Variants in GALNT17 observed in about 807,000 individuals in gnomAD.
The protein encoded by GALNT17 is polypeptide N-acetylgalactosaminyltransferase 17, also known as UDP-GalNAc:polypeptide N-acetylgalactosaminyltransferase-like 3.
A neutral mutation model predicts 63.7 loss-of-function variants in GALNT17; 29 were observed. That is an observed-to-expected ratio of 0.46 (90% CI 0.34 to 0.62). The LOEUF is 0.62. Among genes scored for constraint, GALNT17 ranks in the 20% least tolerant of loss-of-function variants. The pLI is 0.01. For synonymous variants in GALNT17, 305 were observed against 318.3 expected (o/e 0.96, Z 0.45); for missense variants, 603 against 799.6 (o/e 0.75, Z 2.97).
At chr7:71,260,636 TCTGTCACCAAGC>T (rs1160841953) in intron 1 of GALNT17, among the ~76,000 whole-genome samples, 1 of 151,214 alleles carries the variant, frequency 6.6e-6, no homozygotes, top group Non-Finnish European at 1.5e-5. Context: ...ACAGTCTTGC[TCTGTCACCAAGC>T]CTGGAGTGCA....
intron 1 of GALNT17, among the ~76,000 whole-genome samples, chr7:71,292,821 T>A (rs189560239): frequency 6.6e-6 from 1 of 152,130 alleles, no homozygotes; most frequent in Non-Finnish European, 1.5e-5. Context: ...TTGTCTAGTA[T>A]AACCAAAACT....
intron 6 of GALNT17, among the ~76,000 whole-genome samples, chr7:71,583,611 A>G (rs1457634889): frequency 1.3e-5 from 2 of 152,212 alleles, no homozygotes; most frequent in Non-Finnish European, 2.9e-5. Context: ...ATTCCCTGGC[A>G]TTAGATAGCA....
At chr7:71,147,432 T>G (rs1233873745) in intron 1 of GALNT17, among the ~76,000 whole-genome samples, 1 of 152,144 alleles carries the variant, frequency 6.6e-6, no homozygotes. Flanking sequence ...AGCTGGCAGC[T>G]GATTAGATGG....
intron 6 of GALNT17, among the ~76,000 whole-genome samples, chr7:71,575,802 CA>C (rs1388635800): frequency 6.6e-6 from 1 of 151,992 alleles, no homozygotes; most frequent in Non-Finnish European, 1.5e-5. Context: ...CAGAAGAACA[CA>C]AGAATAGAAA....
At chr7:71,420,783 ATC>A in intron 4 of GALNT17, 123 bp from the exon 5 acceptor site, 1 of 1,159,218 alleles carries the variant, frequency 8.6e-7, no homozygotes, top group Admixed American at 1.8e-5. Flanking sequence ...CTCAGTTTGC[ATC>A]TGAGTTCCAG....
intron 2 of GALNT17, among the ~76,000 whole-genome samples, chr7:71,346,138 G>C (rs1792091862): frequency 1.3e-5 from 2 of 151,838 alleles, no homozygotes; most frequent in African/African-American, 4.8e-5. Flanking sequence ...GCTACAGGGA[G>C]CTATGATCGT....
At chr7:71,252,002 C>T (rs1048760918) in intron 1 of GALNT17, among the ~76,000 whole-genome samples, 2 of 152,092 alleles carry the variant, frequency 1.3e-5, no homozygotes, top group African/African-American at 4.8e-5. Flanking sequence ...GTGATCCAAC[C>T]CTGGAAGAAG....
At chr7:71,200,590 A>AG (rs1229240912) in intron 1 of GALNT17, among the ~76,000 whole-genome samples, 3 of 152,176 alleles carry the variant, frequency 2.0e-5, no homozygotes, top group African/African-American at 7.2e-5. Context: ...AATTATTTTC[A>AG]TCTCTCCTTA....
At chr7:71,212,138 G>A (rs769892693) in intron 1 of GALNT17, among the ~76,000 whole-genome samples, 1 of 152,194 alleles carries the variant, frequency 6.6e-6, no homozygotes, top group African/African-American at 2.4e-5. Flanking sequence ...AAGTGGTTTT[G>A]TGGGCCTGGC....
chr7:71,306,287 T>C (rs1791294871), intron 1 of GALNT17, among the ~76,000 whole-genome samples: 1 of 16,232 alleles, frequency 6.2e-5, no homozygotes, highest in Admixed American at 7.2e-4. Flanking sequence ...TCTTAACAAT[T>C]TATATGTGCA....
chr7:71,197,416 G>A (rs1490986493), intron 1 of GALNT17, among the ~76,000 whole-genome samples: 1 of 150,546 alleles, frequency 6.6e-6, no homozygotes, highest in Non-Finnish European at 1.5e-5. Context: ...CACCGTGTTA[G>A]CCAGGGAGGT....
chr7:71,598,784 G>A (rs546064231), intron 6 of GALNT17, among the ~76,000 whole-genome samples: 1 of 148,316 alleles, frequency 6.7e-6, no homozygotes, highest in East Asian at 2.1e-4. Flanking sequence ...GACATTAAGT[G>A]ACTAAGCACA....
rs529508467 is a variant in GALNT17 at position 71,624,377 on chromosome 7, G to C, written c.1081-41034G>C. The stretch of plus-strand genomic sequence containing the variant: ...AACCAAGGGAGGGCTGTGTAGAGAA[G>C]AGCAGCTGTGAGGCCGGTGCGTTCA... On this transcript the variant is annotated intron_variant, in intron 6 of 10. Transcript: ENST00000333538. Among the ~76,000 whole-genome samples, 94 of 152,298 alleles carry C rather than the reference G, an allele frequency of 6.2e-4. 1 individual carries two copies. Among genetic ancestry groups the C allele is most frequent in the African/African-American group, 2.2e-3 (92 of 41,564 alleles).
chr7:71,174,339 G>C (rs140462278), intron 1 of GALNT17, among the ~76,000 whole-genome samples: 219 of 152,272 alleles, frequency 1.4e-3, no homozygotes, highest in African/African-American at 4.8e-3. Context: ...TTGGCACTGG[G>C]GTGTGAGATG....
intron 1 of GALNT17, among the ~76,000 whole-genome samples, chr7:71,248,884 C>G (rs16869397): frequency 6.6e-6 from 1 of 152,024 alleles, no homozygotes; most frequent in East Asian, 1.9e-4. Flanking sequence ...CTACTTTTAC[C>G]GTAAAGGTGA....
At chr7:71,637,322 A>G (rs1790541444) in intron 6 of GALNT17, among the ~76,000 whole-genome samples, 1 of 152,028 alleles carries the variant, frequency 6.6e-6, no homozygotes, top group Non-Finnish European at 1.5e-5. Flanking sequence ...AGTAGCTGGG[A>G]CTACAGGCAC....
intron 5 of GALNT17, among the ~76,000 whole-genome samples, chr7:71,511,056 C>A (rs1328875971): frequency 6.6e-6 from 1 of 152,066 alleles, no homozygotes; most frequent in Non-Finnish European, 1.5e-5. Context: ...GTGGTGCACA[C>A]CTGTAGTCCC....
At chr7:71,482,700 G>T (rs1787842872) in intron 5 of GALNT17, among the ~76,000 whole-genome samples, 1 of 152,136 alleles carries the variant, frequency 6.6e-6, no homozygotes. Context: ...GTGAAAACAT[G>T]GTATAAAGCA....
chr7:71,610,718 G>A (rs1348291375), intron 6 of GALNT17, among the ~76,000 whole-genome samples: 1 of 152,032 alleles, frequency 6.6e-6, no homozygotes, highest in African/African-American at 2.4e-5. Context: ...AAAAAGGCAT[G>A]ATGCGGTGGC....
Sources: gnomAD v4.1 joint callset for allele counts (sites outside exome capture counted in the v4.1 genomes callset) on GRCh38, gnomAD v4.1.1 for gene constraint, MANE v1.5 for transcripts, NCBI Gene and HGNC (gene_info 2026-07-23, HGNC 2026-07-21) for gene names.